HERC1: variants seen among roughly 807,000 people sequenced by gnomAD.
HERC1 encodes the protein HECT and RLD domain containing E3 ubiquitin protein ligase family member 1.
Under a neutral mutation model 554.3 loss-of-function variants are expected in HERC1, and 160 were observed. The ratio of observed to expected loss-of-function variants is 0.29; its 90% confidence interval spans 0.25 to 0.33. The LOEUF (loss-of-function observed/expected upper bound fraction) is 0.33, where lower values mean the gene tolerates loss of function less well. HERC1 is among the 10% of genes least tolerant of loss of function. The probability of loss-of-function intolerance (pLI) is 1.00; values close to 1 mark genes in which losing one functional copy is unlikely to be tolerated. For missense variants in HERC1, 4,919 were observed against 5,918.5 expected, an observed-to-expected ratio of 0.83 and a Z score of 5.54; for synonymous variants, 2,175 against 2,131.7, an observed-to-expected ratio of 1.02 and a Z score of -0.56.
At chr15:63,829,472 TTATATAAATATA>T (rs374714129) in intron 1 of HERC1, among the ~76,000 whole-genome samples, 1,513 of 28,410 alleles carry the variant, frequency 0.053, 39 homozygotes, top group Middle Eastern at 0.14. Flanking sequence ...ACATATATGT[TTATATAAATATA>T]TATATATATA....
chr15:63,743,471 G>C (rs2074912907), intron 12 of HERC1, among the ~76,000 whole-genome samples: 1 of 151,760 alleles, frequency 6.6e-6, no homozygotes, highest in African/African-American at 2.4e-5. Flanking sequence ...CACCATGTTG[G>C]CTAGGAATGT....
chr15:63,811,384 T>C (rs549054174), intron 1 of HERC1, among the ~76,000 whole-genome samples: 3 of 152,268 alleles, frequency 2.0e-5, no homozygotes, highest in African/African-American at 7.2e-5. Context: ...CACCAAAATG[T>C]TGCAATTTGT....
At chr15:63,632,154 A>AG (rs1311998988) in intron 68 of HERC1, 6 of 155,958 alleles carry the variant, frequency 3.8e-5, no homozygotes, top group African/African-American at 1.4e-4. Flanking sequence ...GTCCTCAGTC[A>AG]GAGGCATCGA....
intron 12 of HERC1, among the ~76,000 whole-genome samples, chr15:63,739,690 C>G (rs1209514568): frequency 6.6e-6 from 1 of 151,876 alleles, no homozygotes; most frequent in African/African-American, 2.4e-5. Flanking sequence ...AATACAAACA[C>G]TAGCTGGGCA....
intron 48 of HERC1, among the ~76,000 whole-genome samples, chr15:63,658,165 C>T (rs1275506032): frequency 1.3e-5 from 2 of 152,178 alleles, no homozygotes; most frequent in South Asian, 2.1e-4. Context: ...TTACACTCCA[C>T]AGTATCAACA....
At position 63,829,444 on chromosome 15, in the gene HERC1, A is replaced by G. The variant is rs990694283; in HGVS notation, c.-27+4383T>C. 2.5e-3 allele frequency among the ~76,000 whole-genome samples: 326 copies of G among 132,584 alleles called. 1 individual carries two copies. Among genetic ancestry groups the G allele is most frequent in the African/African-American group, 8.6e-3 (306 of 35,508 alleles). 87.0% of individuals were successfully genotyped at this position (132,584 alleles called of 152,430 possible). ...TCTCAAAAAAGAAAGAAACGTCAGT[A>G]TGTGTGTGTGTGTGTGCACATATAT... On this transcript the variant is annotated intron_variant, in intron 1 of 77. Transcript: ENST00000443617.
intron 12 of HERC1, among the ~76,000 whole-genome samples, chr15:63,744,942 C>T (rs967158308): frequency 6.6e-6 from 1 of 152,170 alleles, no homozygotes. Context: ...TTATTCACAG[C>T]CCATGGGCTC....
intron 12 of HERC1, among the ~76,000 whole-genome samples, chr15:63,744,613 C>T (rs536619018): frequency 6.6e-6 from 1 of 152,230 alleles, no homozygotes; most frequent in African/African-American, 2.4e-5. Flanking sequence ...AGGAGCCTCG[C>T]CCCATAGCTA....
At chr15:63,671,116 T>A (rs1341264728) in intron 39 of HERC1, among the ~76,000 whole-genome samples, 1 of 150,084 alleles carries the variant, frequency 6.7e-6, no homozygotes, top group Non-Finnish European at 1.5e-5. Context: ...GGCAGGAGAA[T>A]CGCTTGAACT....
At chr15:63,821,092 G>A (rs1234684023) in intron 1 of HERC1, among the ~76,000 whole-genome samples, 2 of 152,172 alleles carry the variant, frequency 1.3e-5, no homozygotes, top group African/African-American at 4.8e-5. Flanking sequence ...TCACAGCATT[G>A]TTTAACTGAC....
chr15:63,654,033 A>C, intron 51 of HERC1, 86 bp downstream of exon 51: 1 of 976,836 alleles, frequency 1.0e-6, no homozygotes, highest in Non-Finnish European at 1.6e-6. Context: ...AAAGAGAGAG[A>C]CCTAAACTTT....
At chr15:63,710,374 G>C (rs2073232094) in intron 24 of HERC1, among the ~76,000 whole-genome samples, 1 of 152,122 alleles carries the variant, frequency 6.6e-6, no homozygotes, top group African/African-American at 2.4e-5. Flanking sequence ...CCAGAAACAG[G>C]TAATAGGGCA....
At chr15:63,620,566 G>T (rs1020291441) in intron 74 of HERC1, among the ~76,000 whole-genome samples, 8 of 152,072 alleles carry the variant, frequency 5.3e-5, no homozygotes, top group African/African-American at 1.7e-4. Flanking sequence ...TTTCTATCTC[G>T]TTGATCTGTC....
chr15:63,645,590 C>T lies in HERC1; in HGVS notation c.10971G>A (p.Ser3657=), dbSNP rs770865741. Reference sequence around the variant, plus strand: ...GTGAATGTAGACAGCACCAGCATCCCGAAATAGAGCCCCAGAGTTTCACAC... The same window carrying T: ...GTGAATGTAGACAGCACCAGCATCCTGAAATAGAGCCCCAGAGTTTCACAC... The part of the protein sequence containing the change: ...EDSVKLWGSI[S]GCWCCLHSLC... Residue 3657 remains serine, a synonymous_variant, in exon 56 of 78, where the codon TCG becomes TCA. Coordinates refer to ENST00000443617, the MANE Select transcript of HERC1 (RefSeq NM_003922.4). The T allele has an allele frequency of 1.8e-4, 291 of 1,612,794 alleles. No individual in the cohort carries two copies. Among genetic ancestry groups the T allele is most frequent in the Non-Finnish European group, 2.3e-4 (276 of 1,179,436 alleles).
In HERC1 at chr15:63,626,294, C is replaced by G. The variant is rs909644853; in HGVS notation, c.13106-140G>C. 6.3e-6 allele frequency: 5 copies of G among 790,136 alleles called. No individual in the cohort carries two copies. In the African/African-American group the frequency reaches 8.8e-5, roughly 14 times the overall value. The allele number at this position is 790,136 out of a possible 1,614,324, so 48.9% of individuals were successfully genotyped here. Reference sequence around the variant, plus strand: ...TTCAAACCTCTATCCATCGATTCATCTTAGTTTGGTGTGTGCATTTGTGTT... The same window carrying G: ...TTCAAACCTCTATCCATCGATTCATGTTAGTTTGGTGTGTGCATTTGTGTT... On this transcript the variant is annotated intron_variant, in intron 70 of 77. Coordinates refer to ENST00000443617, the MANE Select transcript of HERC1 (RefSeq NM_003922.4).
At chr15:63,667,131 G>A (rs568367693) in intron 40 of HERC1, among the ~76,000 whole-genome samples, 18 of 152,270 alleles carry the variant, frequency 1.2e-4, no homozygotes, top group African/African-American at 1.7e-4. Context: ...TAAGCTCAAT[G>A]TTAGTGAATA....
intron 59 of HERC1, 147 bp from the exon 60 acceptor site, chr15:63,641,790 C>G (rs560071266): frequency 1.8e-6 from 1 of 555,012 alleles, no homozygotes; most frequent in Non-Finnish European, 2.9e-6. Context: ...GCTTTTAATG[C>G]CTATGGAACT....
In HERC1 at chr15:63,694,625, A is replaced by G. The variant is rs2072298483; in HGVS notation, c.5243-76T>C. On this transcript the variant is annotated intron_variant, in intron 28 of 77. Coordinates refer to ENST00000443617, the MANE Select transcript of HERC1 (RefSeq NM_003922.4). The surrounding 1 kb of genome is among the most constrained non-coding windows in gnomAD (Gnocchi z 4.3). ...TTATTAAAATGAATAATTTTCTAAA[A>G]TATTAATAACATGAAACACTAAATT... The G allele has an allele frequency of 6.9e-7, 1 of 1,438,964 alleles. No homozygotes were observed. Among genetic ancestry groups the G allele is most frequent in the Non-Finnish European group, 9.6e-7 (1 of 1,041,732 alleles). The allele number at this position is 1,438,964 out of a possible 1,614,324, so 89.1% of individuals were successfully genotyped here. A position where few individuals can be genotyped will look rare whatever the true frequency, so the allele number is the denominator to read the frequency against.
rs2067475200 is a variant in HERC1 at position 63,608,878 on chromosome 15, G to GT, written c.*202dup. 1 of 442,600 alleles carries GT rather than the reference G, an allele frequency of 2.3e-6. No homozygotes were observed. Among genetic ancestry groups the GT allele is most frequent in the African/African-American group, 2.0e-5 (1 of 49,200 alleles). The allele number at this position is 442,600 out of a possible 1,614,324, so 27.4% of individuals were successfully genotyped here. A position where few individuals can be genotyped will look rare whatever the true frequency, so the allele number is the denominator to read the frequency against. On this transcript the variant is annotated 3_prime_UTR_variant, in exon 78 of 78. Coordinates refer to ENST00000443617, the MANE Select transcript of HERC1 (RefSeq NM_003922.4). Reference sequence around the variant, plus strand: ...GGAAAAACCTGACTGAGAGCACTTCGTTTTTGTTGTTTTTGTACAATCACA... The same window carrying GT: ...GGAAAAACCTGACTGAGAGCACTTCGTTTTTTGTTGTTTTTGTACAATCACA...
Sources: gnomAD v4.1 joint callset for allele counts (sites outside exome capture counted in the v4.1 genomes callset) on GRCh38, gnomAD v4.1.1 for gene constraint, Gnocchi (gnomAD v3.1) non-coding constraint, MANE v1.5 for transcripts, NCBI Gene and HGNC (gene_info 2026-07-23, HGNC 2026-07-21) for gene names.